OVCH1: variants seen among roughly 807,000 people sequenced by gnomAD.
OVCH1 encodes the protein ovochymase 1.
Under a neutral mutation model 138.4 loss-of-function variants are expected in OVCH1, and 139 were observed. That is an observed-to-expected ratio of 1.00 (90% CI 0.87 to 1.16). The LOEUF (loss-of-function observed/expected upper bound fraction) is 1.16. Ranked by LOEUF, OVCH1 falls within the 50% of genes most tolerant of loss-of-function variation. The pLI, the probability that OVCH1 is intolerant of heterozygous loss-of-function variation, is 0.00. For synonymous variants in OVCH1, 453 were observed against 467.8 expected (o/e 0.97, Z 0.41); for missense variants, 1,367 against 1,357.9 (o/e 1.01, Z -0.11).
downstream of OVCH1, among the ~76,000 whole-genome samples, chr12:29,423,750 C>T (rs192623462): frequency 6.6e-5 from 10 of 152,262 alleles, no homozygotes; most frequent in Admixed American, 5.9e-4. Flanking sequence ...CAATGAAACA[C>T]TATTGATTTG....
At chr12:29,493,735 T>G (rs1395144866) in intron 4 of OVCH1, among the ~76,000 whole-genome samples, 1 of 152,192 alleles carries the variant, frequency 6.6e-6, no homozygotes, top group Non-Finnish European at 1.5e-5. Context: ...TCAATCATTT[T>G]CAGTAACTTT....
chr12:29,436,824 A>G (rs1325148510), intron 26 of OVCH1, among the ~76,000 whole-genome samples: 1 of 151,744 alleles, frequency 6.6e-6, no homozygotes, highest in African/African-American at 2.4e-5. Context: ...TGAGTGTTAC[A>G]GCTCATAGAG....
intron 27 of OVCH1, among the ~76,000 whole-genome samples, chr12:29,431,490 T>C (rs963276141): frequency 6.6e-6 from 1 of 152,180 alleles, no homozygotes; most frequent in African/African-American, 2.4e-5. Context: ...CATGTTTTAA[T>C]GTAAATCTTG....
intron 8 of OVCH1, among the ~76,000 whole-genome samples, chr12:29,481,695 ACTCT>A (rs923522413): frequency 2.6e-5 from 4 of 151,896 alleles, no homozygotes; most frequent in East Asian, 3.9e-4. Flanking sequence ...GTTGACTCTC[ACTCT>A]CTCTCTGTCC....
At chr12:29,497,294 A>T (rs1943445137) in intron 1 of OVCH1, among the ~76,000 whole-genome samples, 1 of 152,170 alleles carries the variant, frequency 6.6e-6, no homozygotes, top group Admixed American at 6.5e-5. Context: ...ATACTGAGGA[A>T]TGACCTATAC....
intron 15 of OVCH1, 62 bp downstream of exon 15, chr12:29,472,967 G>C: frequency 1.4e-6 from 2 of 1,407,864 alleles, no homozygotes; most frequent in Non-Finnish European, 2.0e-6. Flanking sequence ...GCTTCCAAAA[G>C]AGACATCTAG....
In OVCH1 at chr12:29,491,996, TTGTG is replaced by T. The variant is rs1415069021; in HGVS notation, c.455-808_455-805del. 2.6e-5 allele frequency among the ~76,000 whole-genome samples: 4 copies of T among 152,310 alleles called. No individual in the cohort carries two copies. The East Asian group carries it at 7.7e-4, about 29-fold the overall frequency. On this transcript the variant is annotated intron_variant, in intron 4 of 27. Transcript: ENST00000318184. ...ACCTCATGAGTGTATATATTTGTGT[TTGTG>T]TGTTGGGTGAGAGGAGAAGAAACAA...
At chr12:29,489,905 A>T (rs764410280) in intron 5 of OVCH1, 134 bp from the exon 6 acceptor site, 6 of 983,472 alleles carry the variant, frequency 6.1e-6, no homozygotes, top group Non-Finnish European at 8.9e-6. Context: ...GGTGTGAATC[A>T]TATTCACTTC....
At chr12:29,418,342 A>G (rs1185113562) in intron 3 of OVCH1, among the ~76,000 whole-genome samples, 1 of 152,214 alleles carries the variant, frequency 6.6e-6, no homozygotes, top group Non-Finnish European at 1.5e-5. Flanking sequence ...CAAATTCCTA[A>G]GTATTTGGAG....
downstream of OVCH1, chr12:29,423,250 G>A: frequency 2.2e-6 from 1 of 455,942 alleles, no homozygotes. Flanking sequence ...AGTCAGGTAA[G>A]CAGCACTGGA....
chr12:29,471,296 G>A (rs1307894540), intron 16 of OVCH1, among the ~76,000 whole-genome samples: 2 of 152,106 alleles, frequency 1.3e-5, no homozygotes, highest in Non-Finnish European at 1.5e-5. Flanking sequence ...TATTTCCCCA[G>A]TAGTGCAATA....
chr12:29,418,900 C>A (rs1941066275), intron 3 of OVCH1, among the ~76,000 whole-genome samples: 1 of 152,162 alleles, frequency 6.6e-6, no homozygotes, highest in African/African-American at 2.4e-5. Flanking sequence ...GCACTATCAC[C>A]AATCTGGAGT....
intron 7 of OVCH1, among the ~76,000 whole-genome samples, chr12:29,486,565 TG>T (rs747891462): frequency 3.3e-5 from 5 of 152,208 alleles, no homozygotes; most frequent in Non-Finnish European, 5.9e-5. Flanking sequence ...CTGGTTAGTG[TG>T]GTTTTAAAAA....
chr12:29,422,415 G>A (rs1409560724), intron 3 of OVCH1, among the ~76,000 whole-genome samples: 1 of 152,158 alleles, frequency 6.6e-6, no homozygotes. Flanking sequence ...AAGACAAAGT[G>A]ATGTCAAGAA....
At chr12:29,416,917 A>C (rs1475087171) in intron 3 of OVCH1, among the ~76,000 whole-genome samples, 1 of 152,216 alleles carries the variant, frequency 6.6e-6, no homozygotes, top group Non-Finnish European at 1.5e-5. Context: ...ATGCTTTGAC[A>C]GAAGAACCAT....
At chr12:29,420,388 A>G (rs1020478963) in intron 3 of OVCH1, among the ~76,000 whole-genome samples, 1 of 151,836 alleles carries the variant, frequency 6.6e-6, no homozygotes, top group African/African-American at 2.4e-5. Context: ...TGATGCACAC[A>G]TGTTAAGACA....
intron 19 of OVCH1, among the ~76,000 whole-genome samples, chr12:29,456,793 C>T (rs902372920): frequency 6.6e-6 from 1 of 152,174 alleles, no homozygotes; most frequent in Non-Finnish European, 1.5e-5. Context: ...CTAACACATG[C>T]TAAATAAATG....
intron 25 of OVCH1, among the ~76,000 whole-genome samples, 176 bp downstream of exon 26, chr12:29,439,677 G>A (rs145561362): frequency 2.9e-4 from 44 of 152,158 alleles, no homozygotes; most frequent in African/African-American, 1.0e-3. Context: ...GACTGCACAG[G>A]TTAAGAGCTC....
At chr12:29,456,507 G>A (rs908758971) in intron 19 of OVCH1, among the ~76,000 whole-genome samples, 1 of 152,150 alleles carries the variant, frequency 6.6e-6, no homozygotes, top group African/African-American at 2.4e-5. Context: ...TATTTGCATT[G>A]TTTAAATTGA....
Sources: gnomAD v4.1 joint callset for allele counts (sites outside exome capture counted in the v4.1 genomes callset) on GRCh38, gnomAD v4.1.1 for gene constraint, MANE v1.5 for transcripts, NCBI Gene and HGNC (gene_info 2026-07-23, HGNC 2026-07-21) for gene names.